Variants in RAP1GDS1 observed in about 807,000 individuals in gnomAD.
RAP1GDS1 encodes RAP1, GTP-GDP dissociation stimulator 1.
A neutral mutation model predicts 71.1 loss-of-function variants in RAP1GDS1; 35 were observed. That is an observed-to-expected ratio of 0.49 (90% CI 0.38 to 0.65). The LOEUF (loss-of-function observed/expected upper bound fraction) is 0.65, where lower values mean the gene tolerates loss of function less well. RAP1GDS1 is among the 30% of genes least tolerant of loss of function. RAP1GDS1 has a pLI of 0.00. For synonymous variants in RAP1GDS1, 229 were observed against 243.1 expected (o/e 0.94, Z 0.54); for missense variants, 663 against 706.1 (o/e 0.94, Z 0.69).
At chr4:98,288,030 A>G (rs1460574889) in intron 1 of RAP1GDS1, among the ~76,000 whole-genome samples, 1 of 151,906 alleles carries the variant, frequency 6.6e-6, no homozygotes, top group Non-Finnish European at 1.5e-5. Flanking sequence ...CAGTTTTCTT[A>G]TTTGTTTTTC....
intron 2 of RAP1GDS1, among the ~76,000 whole-genome samples, chr4:98,329,320 A>G (rs1578463185): frequency 1.3e-5 from 2 of 152,304 alleles, no homozygotes; most frequent in East Asian, 3.9e-4. Flanking sequence ...TTAAGTAAAT[A>G]ACTAATAGTG....
intron 1 of RAP1GDS1, among the ~76,000 whole-genome samples, chr4:98,284,621 TCTC>T (rs1446703706): frequency 6.6e-6 from 1 of 152,166 alleles, no homozygotes; most frequent in African/African-American, 2.4e-5. Context: ...GGGGTCTAAT[TCTC>T]CTATTGAATC....
chr4:98,296,751 G>A (rs921295583), intron 2 of RAP1GDS1, among the ~76,000 whole-genome samples: 19 of 152,090 alleles, frequency 1.2e-4, no homozygotes, highest in Non-Finnish European at 2.6e-4. Flanking sequence ...AAAACAATAG[G>A]CCACCTATTT....
chr4:98,388,157 A>G (rs985846782), intron 5 of RAP1GDS1, among the ~76,000 whole-genome samples: 2 of 152,208 alleles, frequency 1.3e-5, no homozygotes, highest in Non-Finnish European at 2.9e-5. Flanking sequence ...CAGCACCGCC[A>G]CCTACTGAAT....
In RAP1GDS1 at chr4:98,343,260, T is replaced by G; in HGVS notation, c.234T>G (p.Asn78Lys). ...ACATCATAGCAGAAGTAGCCAAAAA[T>G]GGTGAGGTTTACCTCAAGAACTTTT... The part of the protein sequence containing the change: ...VANIIAEVAK[N>K]EFMRIPCVDA... Residue 78 changes from asparagine (N) to lysine (K), a missense_variant and splice_region_variant, in exon 3 of 15, where the codon AAT becomes AAG. By Grantham distance (94) the Asn-to-Lys change is moderately conservative. Transcript: ENST00000408927. 8 of 1,601,502 alleles carry G rather than the reference T, an allele frequency of 5.0e-6. No homozygotes were observed. The highest frequency in any genetic ancestry group is 6.0e-6 in the Non-Finnish European group (7 of 1,168,650).
intron 2 of RAP1GDS1, among the ~76,000 whole-genome samples, chr4:98,305,184 G>T (rs1043410870): frequency 1.3e-5 from 2 of 152,038 alleles, no homozygotes; most frequent in Non-Finnish European, 2.9e-5. Flanking sequence ...TTTTAAAGTA[G>T]TTTTTTTCTA....
At position 98,436,935 on chromosome 4, in the gene RAP1GDS1, T is replaced by A; in HGVS notation, c.1568-5T>A. 6.3e-7 allele frequency: 1 copy of A among 1,597,618 alleles called. No individual in the cohort carries two copies. ...CGCAGTAGATATACTTTGTTTTATT[T>A]GTAGGCACTGCTGAGAAAGATCTAG... On this transcript the variant is annotated splice_polypyrimidine_tract_variant and splice_region_variant and intron_variant, in intron 13 of 14. Transcript: ENST00000408927.
rs72688405 is a variant in RAP1GDS1 at position 98,262,964 on chromosome 4, G to A, written c.4+1395G>A. Among the ~76,000 whole-genome samples, 659 of 152,298 alleles carry A rather than the reference G, an allele frequency of 4.3e-3. 1 individual carries two copies. The highest frequency in any genetic ancestry group is 6.9e-3 in the Non-Finnish European group (472 of 68,020). ...CAGTTGTTTTTTCTTTTTAACGTGA[G>A]TACTCGATATGCTGAACAAATTTCT... On this transcript the variant is annotated intron_variant, in intron 1 of 14. Transcript: ENST00000408927.
At chr4:98,268,443 A>G (rs998121513) in intron 1 of RAP1GDS1, among the ~76,000 whole-genome samples, 4 of 152,182 alleles carry the variant, frequency 2.6e-5, no homozygotes, top group African/African-American at 9.6e-5. Context: ...CTGCTATTTA[A>G]GATAGTACTA....
At chr4:98,312,371 C>G (rs964351632) in intron 2 of RAP1GDS1, among the ~76,000 whole-genome samples, 1 of 152,082 alleles carries the variant, frequency 6.6e-6, no homozygotes, top group Non-Finnish European at 1.5e-5. Flanking sequence ...CCCTAATCAT[C>G]TTTCTGTCAG....
chr4:98,294,275 A>G (rs1727400780), intron 2 of RAP1GDS1, among the ~76,000 whole-genome samples: 1 of 152,068 alleles, frequency 6.6e-6, no homozygotes, highest in Admixed American at 6.6e-5. Context: ...GAAACTAATT[A>G]TGTAGCTGAC....
intron 1 of RAP1GDS1, among the ~76,000 whole-genome samples, chr4:98,275,937 C>T (rs572973101): frequency 1.3e-5 from 2 of 152,286 alleles, no homozygotes; most frequent in South Asian, 4.1e-4. Flanking sequence ...TTTCCCCTGG[C>T]ATCCCTCTTC....
chr4:98,324,462 A>G (rs868584986), intron 2 of RAP1GDS1, among the ~76,000 whole-genome samples: 12 of 151,018 alleles, frequency 7.9e-5, no homozygotes, highest in Middle Eastern at 3.4e-3. Flanking sequence ...CGCATCGCCA[A>G]GTCAATCCTA....
chr4:98,313,806 C>T (rs796148979), intron 2 of RAP1GDS1, among the ~76,000 whole-genome samples: 4 of 152,204 alleles, frequency 2.6e-5, no homozygotes, highest in African/African-American at 7.2e-5. Flanking sequence ...ATGATCATGC[C>T]ACTGCACTCC....
At chr4:98,418,905 A>G in intron 10 of RAP1GDS1, 114 bp downstream of exon 10, 1 of 1,106,538 alleles carries the variant, frequency 9.0e-7, no homozygotes, top group Non-Finnish European at 1.2e-6. Context: ...TTAAAAAAAA[A>G]TAGTCTTCAC....
At chr4:98,343,007 A>T in intron 2 of RAP1GDS1, 132 bp from the exon 3 acceptor site, 1 of 897,050 alleles carries the variant, frequency 1.1e-6, no homozygotes, top group Non-Finnish European at 1.6e-6. Flanking sequence ...ATAAAGACAT[A>T]TATTTGAATG....
At chr4:98,298,979 A>C (rs975347363) in intron 2 of RAP1GDS1, among the ~76,000 whole-genome samples, 2 of 152,128 alleles carry the variant, frequency 1.3e-5, no homozygotes, top group Admixed American at 6.5e-5. Context: ...ACATAGGTAT[A>C]CATGTGCCAT....
At position 98,308,508 on chromosome 4, in the gene RAP1GDS1, A is replaced by G. The variant is rs1282020790; in HGVS notation, c.112+14993A>G. On this transcript the variant is annotated intron_variant, in intron 2 of 14. Transcript: ENST00000408927. Reference sequence around the variant, plus strand: ...AATAAAGAACAATTTCTTTAAAAACAAAAAGATTTTAAACCACAAATTTTT... The same window carrying G: ...AATAAAGAACAATTTCTTTAAAAACGAAAAGATTTTAAACCACAAATTTTT... 6.7e-5 allele frequency among the ~76,000 whole-genome samples: 10 copies of G among 150,318 alleles called. No homozygotes were observed. In the Admixed American group the frequency reaches 6.8e-4, roughly 10 times the overall value.
At chr4:98,421,685 T>C (rs1190709269) in intron 12 of RAP1GDS1, among the ~76,000 whole-genome samples, 4 of 152,154 alleles carry the variant, frequency 2.6e-5, no homozygotes, top group Non-Finnish European at 5.9e-5. Context: ...CCTACTGATA[T>C]TTAGAAATTA....
Sources: allele counts gnomAD v4.1 joint callset (sites outside exome capture counted in the v4.1 genomes callset), GRCh38; gene constraint gnomAD v4.1.1; transcripts MANE v1.5; gene names NCBI Gene and HGNC (gene_info 2026-07-23, HGNC 2026-07-21).